PDE11A: variants seen among roughly 807,000 people sequenced by gnomAD.
PDE11A encodes the protein dual 3',5'-cyclic-AMP and -GMP phosphodiesterase 11A.
In PDE11A, 100 loss-of-function variants were observed where a neutral mutation model predicts 100.5. The ratio of observed to expected loss-of-function variants is 1.00; its 90% CI spans 0.85 to 1.18. The LOEUF (loss-of-function observed/expected upper bound fraction) is 1.18, where lower values mean the gene tolerates loss of function less well. Ranked by LOEUF, PDE11A falls within the 50% of genes most tolerant of loss-of-function variation. The pLI is 0.00. For missense variants in PDE11A, 1,141 were observed against 1,152.6 expected, an observed-to-expected ratio of 0.99 and a Z score of 0.15; for synonymous variants, 381 against 420.8, an observed-to-expected ratio of 0.91 and a Z score of 1.16.
chr2:177,961,680 CA>C (rs1451707501), intron 2 of PDE11A, among the ~76,000 whole-genome samples: 2 of 151,990 alleles, frequency 1.3e-5, no homozygotes, highest in Non-Finnish European at 2.9e-5. Flanking sequence ...TTTTTACTTA[CA>C]TTTAATTTTA....
At chr2:178,043,569 A>G (rs1211643347) in intron 1 of PDE11A, among the ~76,000 whole-genome samples, 1 of 152,202 alleles carries the variant, frequency 6.6e-6, no homozygotes, top group African/African-American at 2.4e-5. Context: ...ACAGGCACTA[A>G]ATGAGACTTG....
chr2:178,044,399 T>TTA (rs201801528), intron 1 of PDE11A, among the ~76,000 whole-genome samples: 5 of 147,918 alleles, frequency 3.4e-5, no homozygotes, highest in African/African-American at 9.8e-5. Flanking sequence ...CTTTATATGT[T>TTA]TATATATATA....
intron 12 of PDE11A, among the ~76,000 whole-genome samples, chr2:177,725,668 A>G (rs2081590015): frequency 6.6e-6 from 1 of 152,138 alleles, no homozygotes; most frequent in South Asian, 2.1e-4. Flanking sequence ...CATTGTGGTG[A>G]CATAGTTTAA....
upstream of PDE11A, among the ~76,000 whole-genome samples, chr2:178,076,015 T>C (rs1336375962): frequency 1.3e-5 from 2 of 152,172 alleles, no homozygotes; most frequent in African/African-American, 4.8e-5. Flanking sequence ...CATGACAACA[T>C]TTGCAGTCTA....
chr2:177,886,436 T>C (rs923027483), intron 4 of PDE11A, among the ~76,000 whole-genome samples: 1 of 152,190 alleles, frequency 6.6e-6, no homozygotes, highest in Non-Finnish European at 1.5e-5. Context: ...CCTGAGTGCC[T>C]AGCTTAAAGA....
chr2:178,035,769 A>G (rs1016311492), intron 1 of PDE11A, among the ~76,000 whole-genome samples: 1 of 152,232 alleles, frequency 6.6e-6, no homozygotes, highest in Non-Finnish European at 1.5e-5. Context: ...AGAACCAATG[A>G]CAAAAACCAC....
intron 1 of PDE11A, among the ~76,000 whole-genome samples, chr2:178,024,731 T>C (rs555263195): frequency 1.3e-5 from 2 of 152,320 alleles, no homozygotes; most frequent in Non-Finnish European, 2.9e-5. Flanking sequence ...AACCAATAGA[T>C]TGCCAAACTT....
At chr2:177,880,657 C>T (rs900528703) in intron 4 of PDE11A, among the ~76,000 whole-genome samples, 2 of 152,118 alleles carry the variant, frequency 1.3e-5, no homozygotes, top group Admixed American at 6.6e-5. Context: ...TAAATGGTGT[C>T]AGGAATGAGG....
chr2:177,828,397 G>A (rs533451176), intron 6 of PDE11A, among the ~76,000 whole-genome samples: 4 of 152,160 alleles, frequency 2.6e-5, no homozygotes, highest in East Asian at 3.9e-4. Context: ...TCTAGGTGTT[G>A]GGGATACAGC....
At chr2:177,788,927 C>T (rs959452663) in intron 9 of PDE11A, among the ~76,000 whole-genome samples, 1 of 152,062 alleles carries the variant, frequency 6.6e-6, no homozygotes, top group African/African-American at 2.4e-5. Flanking sequence ...AGTCCAGGAC[C>T]AGATGGATTC....
At chr2:178,013,726 C>CG (rs1390726024) in intron 2 of PDE11A, among the ~76,000 whole-genome samples, 1 of 152,132 alleles carries the variant, frequency 6.6e-6, no homozygotes, top group African/African-American at 2.4e-5. Flanking sequence ...TTAATATAAA[C>CG]TGGTAAATAA....
At chr2:178,029,397 A>C (rs1187407321) in intron 1 of PDE11A, among the ~76,000 whole-genome samples, 1 of 152,194 alleles carries the variant, frequency 6.6e-6, no homozygotes, top group East Asian at 1.9e-4. Context: ...CCCATCAATC[A>C]AAAAATTAAA....
chr2:177,874,438 T>C (rs2084197452), intron 5 of PDE11A, among the ~76,000 whole-genome samples: 1 of 152,228 alleles, frequency 6.6e-6, no homozygotes, highest in South Asian at 2.1e-4. Context: ...TCTTTCTCCA[T>C]GTCTGCATTT....
At chr2:177,652,042 C>T (rs1056738267) in intron 19 of PDE11A, among the ~76,000 whole-genome samples, 5 of 152,140 alleles carry the variant, frequency 3.3e-5, no homozygotes, top group Non-Finnish European at 7.3e-5. Flanking sequence ...TGTGATAACC[C>T]GATCTTTCCC....
chr2:177,686,418 T>C (rs2080950783), intron 15 of PDE11A, among the ~76,000 whole-genome samples: 3 of 151,980 alleles, frequency 2.0e-5, no homozygotes, highest in Non-Finnish European at 4.4e-5. Context: ...AATACAAAAA[T>C]TAGCTACATG....
At chr2:177,816,104 G>A (rs766347024) in intron 9 of PDE11A, among the ~76,000 whole-genome samples, 77 of 151,912 alleles carry the variant, frequency 5.1e-4, no homozygotes, top group Non-Finnish European at 1.0e-3. Flanking sequence ...CCAGCTACTC[G>A]GGAGGCTGAG....
At chr2:177,718,052 T>A (rs2081468869) in intron 12 of PDE11A, among the ~76,000 whole-genome samples, 1 of 152,318 alleles carries the variant, frequency 6.6e-6, no homozygotes, top group South Asian at 2.1e-4. Flanking sequence ...TTAAGAAGTG[T>A]CATTAAGTGC....
chr2:177,663,913 G>C lies in PDE11A; in HGVS notation c.2599C>G (p.Arg867Gly), dbSNP rs61306957. ...CTATCAATCCACTCCAGTTGCAACCGAGGCAGTTCATCCTTCCGGTTCCGA... is the reference window on the plus strand; with the variant it reads ...CTATCAATCCACTCCAGTTGCAACCCAGGCAGTTCATCCTTCCGGTTCCGA... ...FDRNRKDELP[R>G]LQLEWIDSIC... The change falls in exon 19 of 20, where the codon CGG (arginine) becomes GGG (glycine). Residue 867 changes from arginine to glycine, a missense_variant. Physicochemically the swap from Arg to Gly is moderately radical, Grantham distance 125 (BLOSUM62 -2). Transcript: ENST00000286063. 0.019 allele frequency: 30,336 copies of C among 1,612,218 alleles called. 597 individuals carry two copies. The highest frequency in any genetic ancestry group is 0.076 in the South Asian group (6,874 of 91,006).
intron 2 of PDE11A, among the ~76,000 whole-genome samples, chr2:178,005,426 C>T (rs1195193428): frequency 1.3e-5 from 2 of 152,234 alleles, no homozygotes; most frequent in East Asian, 1.9e-4. Context: ...GAGGGGAGAA[C>T]TGCTTGAGCC....
Sources: allele counts gnomAD v4.1 joint callset (sites outside exome capture counted in the v4.1 genomes callset), GRCh38; gene constraint gnomAD v4.1.1; transcripts MANE v1.5; gene names NCBI Gene and HGNC (gene_info 2026-07-23, HGNC 2026-07-21).